The following KIFAP3 variants were observed in gnomAD, a reference collection of about 807,000 sequenced individuals.
KIFAP3 encodes kinesin-associated protein 3.
KIFAP3 carries 68 observed loss-of-function variants against 106.5 expected under a neutral mutation model. The observed-to-expected ratio is 0.64, with a 90% CI of 0.53 to 0.78. The LOEUF is 0.78. Ranked by LOEUF, KIFAP3 falls within the 30% of genes least tolerant of loss-of-function variation. The probability of loss-of-function intolerance (pLI) is 0.00; values close to 1 mark genes in which losing one functional copy is unlikely to be tolerated. For synonymous variants in KIFAP3, 320 were observed against 311.5 expected (o/e 1.03, Z -0.29); for missense variants, 780 against 941.8 (o/e 0.83, Z 2.25).
At chr1:169,982,456 T>C (rs1415131306) in intron 14 of KIFAP3, among the ~76,000 whole-genome samples, 2 of 151,744 alleles carry the variant, frequency 1.3e-5, no homozygotes, top group Non-Finnish European at 2.9e-5. Context: ...AATAAAAAAA[T>C]ACCAAAAGAC....
intron 18 of KIFAP3, among the ~76,000 whole-genome samples, chr1:169,954,475 T>C (rs946913994): frequency 7.2e-5 from 11 of 152,084 alleles, no homozygotes; most frequent in Admixed American, 1.3e-4. Context: ...GCTAAGGAAA[T>C]AGAACAAATA....
At chr1:169,955,771 G>A (rs543649087) in intron 18 of KIFAP3, among the ~76,000 whole-genome samples, 4 of 152,052 alleles carry the variant, frequency 2.6e-5, no homozygotes, top group African/African-American at 9.7e-5. Context: ...ATACTTAAGA[G>A]ATTGCTTGAG....
At chr1:169,945,100 G>C (rs1412380363) in intron 19 of KIFAP3, among the ~76,000 whole-genome samples, 1 of 151,620 alleles carries the variant, frequency 6.6e-6, no homozygotes, top group East Asian at 2.0e-4. Context: ...CCCTCCCTGA[G>C]CTTGTAGGTG....
intron 9 of KIFAP3, among the ~76,000 whole-genome samples, chr1:170,021,942 T>A (rs1181534580): frequency 2.0e-5 from 1 of 50,096 alleles, no homozygotes. Context: ...CTTTTCTTTC[T>A]TTTTTTTTTT....
Position 169,921,502 on chromosome 1 carries a change from A to T in KIFAP3, c.*174T>A. On this transcript the variant is annotated 3_prime_UTR_variant, in exon 20 of 20. Coordinates refer to ENST00000361580, the MANE Select transcript of KIFAP3 (RefSeq NM_014970.4). ...AGTGAACAATGTCAGTATCAACTGT[A>T]CTTAACAGAAGACAGAGGGGCTGGG... The T allele has an allele frequency of 1.8e-6, 1 of 548,514 alleles. No homozygotes were observed. The highest frequency in any genetic ancestry group is 3.3e-6 in the Non-Finnish European group (1 of 305,302). 34.0% of individuals were successfully genotyped at this position (548,514 alleles called of 1,614,324 possible).
At chr1:170,000,967 GAGAAACTAACATTGC>G (rs958774518) in intron 10 of KIFAP3, among the ~76,000 whole-genome samples, 1 of 151,234 alleles carries the variant, frequency 6.6e-6, no homozygotes, top group Admixed American at 6.6e-5. Flanking sequence ...TTAAAAGTAT[GAGAAACTAACATTGC>G]AGATCTACCA....
intron 10 of KIFAP3, among the ~76,000 whole-genome samples, chr1:170,009,719 GAA>G: frequency 6.6e-6 from 1 of 152,078 alleles, no homozygotes; most frequent in Non-Finnish European, 1.5e-5. Context: ...GGGTACTGAA[GAA>G]TACACTATGA....
intron 1 of KIFAP3, among the ~76,000 whole-genome samples, chr1:170,066,840 G>C (rs1358032853): frequency 6.6e-6 from 1 of 152,116 alleles, no homozygotes; most frequent in Non-Finnish European, 1.5e-5. Flanking sequence ...TTGAATCTCT[G>C]AGAACTAATT....
intron 10 of KIFAP3, among the ~76,000 whole-genome samples, chr1:169,999,011 C>A (rs688100): frequency 0.72 from 109,592 of 152,068 alleles, 39,470 homozygotes; most frequent in East Asian, 0.84. Flanking sequence ...CACAGGTCTG[C>A]AAAGAAAGTA....
At chr1:170,041,634 G>C (rs1669985392) in intron 3 of KIFAP3, 3 of 1,482,142 alleles carry the variant, frequency 2.0e-6, no homozygotes, top group African/African-American at 1.4e-5. Flanking sequence ...TTTAAGCCAG[G>C]GGCTGTCTCT....
chr1:170,050,315 C>T (rs1049452322), intron 2 of KIFAP3, among the ~76,000 whole-genome samples: 1 of 152,108 alleles, frequency 6.6e-6, no homozygotes, highest in African/African-American at 2.4e-5. Flanking sequence ...AAGGAACAAA[C>T]AAAGCCTCCA....
intron 10 of KIFAP3, 58 bp downstream of exon 10, chr1:170,016,404 T>A: frequency 7.1e-7 from 1 of 1,413,096 alleles, no homozygotes; most frequent in Non-Finnish European, 9.8e-7. Context: ...CAGAGCTCAA[T>A]TTTCCAGCGA....
At chr1:170,000,839 G>A (rs935565277) in intron 10 of KIFAP3, among the ~76,000 whole-genome samples, 4 of 151,984 alleles carry the variant, frequency 2.6e-5, no homozygotes, top group African/African-American at 2.4e-5. Flanking sequence ...CAGTTAAGGG[G>A]AAAAAATAAC....
At position 169,949,748 on chromosome 1, in the gene KIFAP3, G is replaced by A. The variant is rs574145716; in HGVS notation, c.2273+4263C>T. Among the ~76,000 whole-genome samples the A allele has an allele frequency of 1.4e-4, 22 of 152,082 alleles. No homozygotes were observed. In the East Asian group the frequency reaches 2.9e-3, roughly 20 times the overall value. On this transcript the variant is annotated intron_variant, in intron 19 of 19. Transcript: ENST00000361580. ...TGGGAGGGGAAGATTTACATTTGAC[G>A]CTCTGGGATTGGCAACTCCATAGCT...
chr1:170,007,096 T>C (rs1390957423), intron 10 of KIFAP3, among the ~76,000 whole-genome samples: 2 of 152,144 alleles, frequency 1.3e-5, no homozygotes, highest in Non-Finnish European at 2.9e-5. Context: ...CAAATACTGC[T>C]CATAGGTTGA....
intron 3 of KIFAP3, among the ~76,000 whole-genome samples, chr1:170,043,788 T>C (rs1670102893): frequency 1.3e-5 from 2 of 152,166 alleles, no homozygotes; most frequent in African/African-American, 2.4e-5. Context: ...TGAAAATCTT[T>C]AGACAGTTAT....
At chr1:170,014,735 C>T (rs988429853) in intron 10 of KIFAP3, among the ~76,000 whole-genome samples, 36 of 152,120 alleles carry the variant, frequency 2.4e-4, no homozygotes, top group African/African-American at 4.8e-5. Context: ...AAATGTAACA[C>T]GAGAAACGTA....
intron 17 of KIFAP3, among the ~76,000 whole-genome samples, chr1:169,968,119 G>T (rs549586852): frequency 3.5e-4 from 53 of 151,930 alleles, no homozygotes; most frequent in African/African-American, 1.3e-3. Context: ...AACATGCTTT[G>T]TTTTTTATTT....
chr1:170,039,425 C>T, intron 3 of KIFAP3, 137 bp from the exon 4 acceptor site: 3 of 542,644 alleles, frequency 5.5e-6, no homozygotes, highest in Non-Finnish European at 9.9e-6. Context: ...AATCTCTTCT[C>T]AATGCATAAA....
Sources: gnomAD v4.1 joint callset for allele counts (sites outside exome capture counted in the v4.1 genomes callset) on GRCh38, gnomAD v4.1.1 for gene constraint, MANE v1.5 for transcripts, NCBI Gene and HGNC (gene_info 2026-07-23, HGNC 2026-07-21) for gene names.